The following PBX1 variants were observed in gnomAD, a reference collection of about 807,000 sequenced individuals.
PBX1 encodes the protein pre-B-cell leukemia transcription factor 1.
Under a neutral mutation model 53.4 loss-of-function variants are expected in PBX1, and 6 were observed. That is an observed-to-expected ratio of 0.11 (90% CI 0.06 to 0.22). The LOEUF is 0.22. Among genes scored for constraint, PBX1 ranks in the 10% least tolerant of loss-of-function variants. PBX1 has a pLI of 1.00. For synonymous variants in PBX1, 204 were observed against 212.3 expected, an observed-to-expected ratio of 0.96 and a Z score of 0.34; for missense variants, 251 against 551.4, an observed-to-expected ratio of 0.46 and a Z score of 5.46.
At chr1:164,674,781 C>T (rs1661323494) in intron 2 of PBX1, 1 of 148,744 alleles carries the variant, frequency 6.7e-6, no homozygotes, top group Non-Finnish European at 1.5e-5. Flanking sequence ...ATCCTGGAGG[C>T]CACTGACCCT....
rs1309652273 is a variant in PBX1, at chr1:164,619,003, T to G, written c.265+55692T>G. On this transcript the variant is annotated intron_variant, in intron 2 of 8. Coordinates refer to ENST00000420696, the MANE Select transcript of PBX1 (RefSeq NM_002585.4). Reference sequence around the variant, plus strand: ...AGCGCTTATGTACCTCCACTGGGATTCAAATGAAATGGGGAGATAATCAAC... The same window carrying G: ...AGCGCTTATGTACCTCCACTGGGATGCAAATGAAATGGGGAGATAATCAAC... Among the ~76,000 whole-genome samples the G allele has an allele frequency of 3.9e-5, 6 of 152,332 alleles. 1 individual carries two copies. In the East Asian group the frequency reaches 1.2e-3, roughly 29 times the overall value.
chr1:164,846,840 C>T lies in PBX1; in HGVS notation c.*164C>T. 6.9e-7 allele frequency: 1 copy of T among 1,458,998 alleles called. No homozygotes were observed. The highest frequency in any genetic ancestry group is 9.0e-7 in the Non-Finnish European group (1 of 1,108,116). 90.4% of individuals were successfully genotyped at this position (1,458,998 alleles called of 1,614,324 possible). On this transcript the variant is annotated 3_prime_UTR_variant, in exon 9 of 9. Coordinates refer to ENST00000420696, the MANE Select transcript of PBX1 (RefSeq NM_002585.4). ...CTCTTCTTTGGGATGCTATTTCAGC[C>T]AATCTGGACACTTCTTTATACTCTC...
At chr1:164,771,456 G>T (rs1037718203) in intron 2 of PBX1, 1 of 151,768 alleles carries the variant, frequency 6.6e-6, no homozygotes, top group Non-Finnish European at 1.5e-5. Context: ...TTCCCTTGCC[G>T]CTCTGTCTGT....
chr1:164,694,945 C>T (rs563832910), intron 2 of PBX1, among the ~76,000 whole-genome samples: 7 of 152,142 alleles, frequency 4.6e-5, no homozygotes, highest in African/African-American at 7.2e-5. Flanking sequence ...AGCAGCCCAT[C>T]GCATCTGAGG....
At chr1:164,852,287 A>C (rs1671871673), downstream of PBX1, among the ~76,000 whole-genome samples, 1 of 152,218 alleles carries the variant, frequency 6.6e-6, no homozygotes, top group Non-Finnish European at 1.5e-5. Flanking sequence ...AATAATACCC[A>C]GTTGTAGGCT....
chr1:164,707,503 TA>T (rs1421071555), intron 2 of PBX1, among the ~76,000 whole-genome samples: 1 of 151,162 alleles, frequency 6.6e-6, no homozygotes, highest in African/African-American at 2.4e-5. Flanking sequence ...GCCCTGGTGC[TA>T]AAACCACTGT....
chr1:164,647,104 T>C (rs1659501092), intron 2 of PBX1, among the ~76,000 whole-genome samples: 1 of 152,150 alleles, frequency 6.6e-6, no homozygotes, highest in African/African-American at 2.4e-5. Context: ...TGGGAAAGAG[T>C]CTGCTTTTAA....
intron 2 of PBX1, among the ~76,000 whole-genome samples, chr1:164,777,882 A>G: frequency 6.6e-6 from 1 of 152,230 alleles, no homozygotes; most frequent in East Asian, 1.9e-4. Flanking sequence ...AAAATTAGCT[A>G]GTTTACTTTA....
At chr1:164,642,063 T>C (rs905739824) in intron 2 of PBX1, 7 of 152,216 alleles carry the variant, frequency 4.6e-5, no homozygotes, top group Admixed American at 6.5e-5. Context: ...AAATGAATTA[T>C]GTGAATGTCC....
chr1:164,641,627 A>G (rs1659153329), intron 2 of PBX1: 1 of 152,258 alleles, frequency 6.6e-6, no homozygotes, highest in African/African-American at 2.4e-5. Flanking sequence ...TTAATGAAGA[A>G]GACACAAGGG....
chr1:164,772,320 A>T lies in PBX1; in HGVS notation c.266-20174A>T, dbSNP rs549962018. 6.6e-5 allele frequency among the ~76,000 whole-genome samples: 10 copies of T among 152,306 alleles called. No homozygotes were observed. In the South Asian group the frequency reaches 2.1e-3, roughly 32 times the overall value. ...GTTTAAACCCCTTTCAGGCATTTTAAATCCTAGCCAAAGGTGCAACACCGT... is the reference window on the plus strand; with the variant it reads ...GTTTAAACCCCTTTCAGGCATTTTATATCCTAGCCAAAGGTGCAACACCGT... On this transcript the variant is annotated intron_variant, in intron 2 of 8. Transcript: ENST00000420696.
intron 2 of PBX1, among the ~76,000 whole-genome samples, chr1:164,597,379 A>G (rs957664390): frequency 6.6e-6 from 1 of 152,210 alleles, no homozygotes; most frequent in African/African-American, 2.4e-5. Context: ...AGATGGTGAC[A>G]TCAAGGGTTG....
intron 2 of PBX1, among the ~76,000 whole-genome samples, chr1:164,733,703 A>T (rs1425195164): frequency 6.6e-6 from 1 of 152,152 alleles, no homozygotes; most frequent in South Asian, 2.1e-4. Context: ...AGGAAACCTT[A>T]ATTTGGGACT....
intron 2 of PBX1, chr1:164,683,946 T>C (rs1489335): frequency 0.36 from 55,376 of 151,872 alleles, 10,435 homozygotes; most frequent in African/African-American, 0.44. Flanking sequence ...GCTGGGAATA[T>C]AGGCATGTGC....
Position 164,821,529 on chromosome 1 carries a change from C to A in PBX1, c.1111-8C>A. 1 of 1,609,712 alleles carries A rather than the reference C, an allele frequency of 6.2e-7. No homozygotes were observed. The highest frequency in any genetic ancestry group is 8.5e-7 in the Non-Finnish European group (1 of 1,175,988). ...TAATTTTCTCTCTGTTATTGTTCAT[C>A]TGTTTAGGTGGATACCCTTCGCCAT... On this transcript the variant is annotated splice_polypyrimidine_tract_variant and splice_region_variant and intron_variant, in intron 7 of 8. Transcript: ENST00000420696.
intron 2 of PBX1, among the ~76,000 whole-genome samples, chr1:164,741,673 A>G (rs184709957): frequency 2.2e-3 from 330 of 151,778 alleles, no homozygotes; most frequent in African/African-American, 7.6e-3. Flanking sequence ...CTTACTTATG[A>G]TCTCTAGATG....
rs1571526773 is a variant in PBX1 at position 164,849,569 on chromosome 1, C to T, written c.*2893C>T. Reference sequence around the variant, plus strand: ...TCATTTTCTAATAGATGTGGGAGTGCTCCATTTTCCCCGACAGCGAATTTC... The same window carrying T: ...TCATTTTCTAATAGATGTGGGAGTGTTCCATTTTCCCCGACAGCGAATTTC... On this transcript the variant is annotated 3_prime_UTR_variant, in exon 9 of 9. Transcript: ENST00000420696. The T allele has an allele frequency of 6.7e-6, 7 of 1,039,418 alleles. No homozygotes were observed. Among genetic ancestry groups the T allele is most frequent in the African/African-American group, 3.2e-5 (2 of 62,556 alleles). The allele number at this position is 1,039,418 out of a possible 1,614,324, so 64.4% of individuals were successfully genotyped here.
At chr1:164,691,233 C>G (rs533522186) in intron 2 of PBX1, among the ~76,000 whole-genome samples, 2 of 151,830 alleles carry the variant, frequency 1.3e-5, no homozygotes, top group Non-Finnish European at 2.9e-5. Flanking sequence ...CAACTGGTCT[C>G]GAACTCCCGG....
intron 2 of PBX1, among the ~76,000 whole-genome samples, chr1:164,659,175 A>C (rs1290973540): frequency 6.6e-6 from 1 of 152,198 alleles, no homozygotes; most frequent in African/African-American, 2.4e-5. Flanking sequence ...GTTGGGAATT[A>C]GGTTCGTTGT....
Sources: gnomAD v4.1 joint callset for allele counts (sites outside exome capture counted in the v4.1 genomes callset) on GRCh38, gnomAD v4.1.1 for gene constraint, MANE v1.5 for transcripts, NCBI Gene and HGNC (gene_info 2026-07-23, HGNC 2026-07-21) for gene names.